Variants in TENM2 observed in about 807,000 individuals in gnomAD.
TENM2 encodes teneurin transmembrane protein 2.
TENM2 carries 52 observed loss-of-function variants against 245.2 expected under a neutral mutation model. The observed-to-expected ratio is 0.21, with a 90% confidence interval of 0.17 to 0.27. The LOEUF (loss-of-function observed/expected upper bound fraction) is 0.27, where lower values mean the gene tolerates loss of function less well. TENM2 is among the 10% of genes least tolerant of loss of function. TENM2 has a pLI of 1.00. For missense variants in TENM2, 3,046 were observed against 3,666.8 expected (o/e 0.83, Z 4.37); for synonymous variants, 1,363 against 1,438.9 (o/e 0.95, Z 1.19).
At chr5:167,367,512 A>G (rs911581078) in intron 1 of TENM2, among the ~76,000 whole-genome samples, 1 of 152,154 alleles carries the variant, frequency 6.6e-6, no homozygotes, top group Non-Finnish European at 1.5e-5. Flanking sequence ...GATGAACTTT[A>G]AAAGGTCATT....
chr5:167,664,755 C>A (rs2150333948), intron 2 of TENM2, among the ~76,000 whole-genome samples: 1 of 152,254 alleles, frequency 6.6e-6, no homozygotes, highest in Non-Finnish European at 1.5e-5. Flanking sequence ...AGTATTTTGT[C>A]TTTTATAGTA....
At chr5:167,987,171 A>G (rs988327558) in intron 4 of TENM2, among the ~76,000 whole-genome samples, 1 of 152,118 alleles carries the variant, frequency 6.6e-6, no homozygotes, top group African/African-American at 2.4e-5. Flanking sequence ...CTTCACCTAA[A>G]GACGCCCACA....
intron 7 of TENM2, among the ~76,000 whole-genome samples, chr5:168,076,876 TAC>T (rs1212058438): frequency 1.3e-5 from 2 of 152,096 alleles, no homozygotes; most frequent in African/African-American, 4.8e-5. Flanking sequence ...GTCCTGTGAA[TAC>T]ACACACACGT....
chr5:167,044,108 C>T, the TENM2 span, among the ~76,000 whole-genome samples: 2,144 of 151,926 alleles, frequency 0.014, 43 homozygotes, highest in African/African-American at 0.049. Flanking sequence ...ACAGTGAAGA[C>T]GGTTCATTAG....
At chr5:167,329,199 A>C (rs1757279720) in intron 1 of TENM2, among the ~76,000 whole-genome samples, 1 of 152,058 alleles carries the variant, frequency 6.6e-6, no homozygotes, top group Middle Eastern at 3.2e-3. Context: ...CCTTGTCAAG[A>C]AGTTTGGACA....
At chr5:167,796,613 C>CGTGTGT (rs111717417) in intron 2 of TENM2, among the ~76,000 whole-genome samples, 20 of 148,412 alleles carry the variant, frequency 1.3e-4, no homozygotes, top group Middle Eastern at 3.5e-3. Context: ...ATTTGGGGTG[C>CGTGTGT]GTGTGTGTGT....
chr5:167,589,889 T>A (rs1407310553), intron 2 of TENM2, among the ~76,000 whole-genome samples: 1 of 151,514 alleles, frequency 6.6e-6, no homozygotes, highest in Non-Finnish European at 1.5e-5. Context: ...TATATTTATT[T>A]AAAAGAATTT....
At chr5:168,228,108 C>CCAT in exon 25 of TENM2, 1 of 1,611,972 alleles carries the variant, frequency 6.2e-7, no homozygotes, top group Non-Finnish European at 8.5e-7. Flanking sequence ...GGCAAAGTCA[C>CCAT]CATCTTTGGC....
intron 27 of TENM2, 96 bp from the exon 30 acceptor site, chr5:168,260,187 C>A (rs1355113967): frequency 4.3e-6 from 6 of 1,406,752 alleles, no homozygotes; most frequent in African/African-American, 1.4e-5. Context: ...GGCCCTACAC[C>A]CAACCACCCA....
chr5:167,252,774 T>TTA, the TENM2 span, among the ~76,000 whole-genome samples: 5 of 152,064 alleles, frequency 3.3e-5, no homozygotes, highest in Non-Finnish European at 7.4e-5. Context: ...CTTTACACCA[T>TTA]TAACACAATG....
the TENM2 span, among the ~76,000 whole-genome samples, chr5:167,225,414 G>A: frequency 1.3e-5 from 2 of 152,046 alleles, no homozygotes; most frequent in Admixed American, 1.3e-4. Context: ...TGCAGCTGTT[G>A]AGATAATCAT....
chr5:167,358,803 GCACACACACACACA>G (rs58530155), intron 1 of TENM2, among the ~76,000 whole-genome samples: 44,877 of 143,784 alleles, frequency 0.31, 7,183 homozygotes, highest in Middle Eastern at 0.37. Flanking sequence ...ATTCTGATCT[GCACACACACACACA>G]CACACACACA....
At chr5:168,010,989 T>C (rs2546948) in intron 5 of TENM2, among the ~76,000 whole-genome samples, 5,886 of 152,292 alleles carry the variant, frequency 0.039, 363 homozygotes, top group African/African-American at 0.13. Context: ...CCGCTAGGTC[T>C]TTTTACAGAA....
At chr5:166,989,887 C>G in the TENM2 span, among the ~76,000 whole-genome samples, 1 of 150,552 alleles carries the variant, frequency 6.6e-6, no homozygotes, top group South Asian at 2.1e-4. Context: ...TTTTAGCACA[C>G]ACAGATCTCA....
chr5:167,928,126 G>A (rs1777902395), intron 3 of TENM2, among the ~76,000 whole-genome samples: 1 of 152,008 alleles, frequency 6.6e-6, no homozygotes, highest in African/African-American at 2.4e-5. Flanking sequence ...TTCTTCTCTG[G>A]GGTATGGGGG....
chr5:168,069,327 G>C (rs1414010436), intron 7 of TENM2, among the ~76,000 whole-genome samples: 1 of 152,168 alleles, frequency 6.6e-6, no homozygotes, highest in East Asian at 1.9e-4. Context: ...GTTAGGAAAA[G>C]CTTTATTCCA....
chr5:167,155,900 C>T, the TENM2 span, among the ~76,000 whole-genome samples: 1 of 152,190 alleles, frequency 6.6e-6, no homozygotes, highest in Non-Finnish European at 1.5e-5. Context: ...CAGGCGCGCT[C>T]TCTTCTTCTA....
chr5:167,067,317 T>C, the TENM2 span, among the ~76,000 whole-genome samples: 1 of 152,186 alleles, frequency 6.6e-6, no homozygotes, highest in East Asian at 1.9e-4. Context: ...TTTTTCCTTT[T>C]TTTGAAGCCT....
At chr5:167,133,207 G>A in the TENM2 span, among the ~76,000 whole-genome samples, 5 of 152,062 alleles carry the variant, frequency 3.3e-5, no homozygotes, top group African/African-American at 9.7e-5. Flanking sequence ...GAGGGAAGGA[G>A]GAAGGATGGG....
Sources: gnomAD v4.1 joint callset for allele counts (sites outside exome capture counted in the v4.1 genomes callset) on GRCh38, gnomAD v4.1.1 for gene constraint, MANE v1.5 for transcripts, NCBI Gene and HGNC (gene_info 2026-07-23, HGNC 2026-07-21) for gene names.